Variants in CSMD1 observed in about 807,000 individuals in gnomAD.
CSMD1 encodes the protein CUB and Sushi multiple domains 1.
A neutral mutation model predicts 417.5 loss-of-function variants in CSMD1; 213 were observed. The ratio of observed to expected loss-of-function variants is 0.51; its 90% confidence interval spans 0.46 to 0.57. The LOEUF (loss-of-function observed/expected upper bound fraction) is 0.57. CSMD1 is among the 20% of genes least tolerant of loss of function. The pLI is 0.00. For missense variants in CSMD1, 6,923 were observed against 4,529.7 expected, an observed-to-expected ratio of 1.53 and a Z score of -15.17; for synonymous variants, 2,862 against 1,736.8, an observed-to-expected ratio of 1.65 and a Z score of -16.11.
chr8:4,033,130 G>GAAAAACAAAAAA, intron 3 of CSMD1, among the ~76,000 whole-genome samples: 1 of 80,658 alleles, frequency 1.2e-5, no homozygotes, highest in Non-Finnish European at 2.2e-5. Flanking sequence ...TTTCCAATAT[G>GAAAAACAAAAAA]AAAAAAAAAA....
At chr8:4,062,664 C>A (rs977414343) in intron 3 of CSMD1, among the ~76,000 whole-genome samples, 2 of 151,636 alleles carry the variant, frequency 1.3e-5, no homozygotes, top group African/African-American at 2.4e-5. Context: ...TGCAGAAACA[C>A]AGATTCCTTG....
At chr8:3,795,211 C>G (rs868756577) in intron 5 of CSMD1, among the ~76,000 whole-genome samples, 1 of 71,934 alleles carries the variant, frequency 1.4e-5, no homozygotes, top group Admixed American at 1.5e-4. Flanking sequence ...GATATAGATA[C>G]CTATCATGTA....
At chr8:4,914,583 G>GAAAAA (rs59293226) in intron 1 of CSMD1, among the ~76,000 whole-genome samples, 1 of 133,684 alleles carries the variant, frequency 7.5e-6, no homozygotes. Context: ...CTCCCAAAAA[G>GAAAAA]AAAAAAAAAA....
chr8:3,338,461 G>A (rs1366877279), intron 23 of CSMD1, among the ~76,000 whole-genome samples: 2 of 152,178 alleles, frequency 1.3e-5, no homozygotes, highest in Non-Finnish European at 2.9e-5. Context: ...AGTGATGAGG[G>A]GACCAATTCA....
At chr8:4,071,882 A>G (rs189299227) in intron 3 of CSMD1, among the ~76,000 whole-genome samples, 1 of 152,116 alleles carries the variant, frequency 6.6e-6, no homozygotes, top group Admixed American at 6.5e-5. Context: ...CAGCTACCCC[A>G]TTTGGAATCT....
rs187806506 is a variant in CSMD1 at position 3,114,375 on chromosome 8, G to C, written c.6430+4024C>G. Among the ~76,000 whole-genome samples, 19 of 151,052 alleles carry C rather than the reference G, an allele frequency of 1.3e-4. No individual in the cohort carries two copies. In the South Asian group the frequency reaches 2.1e-3, roughly 17 times the overall value. ...TTTTTGCCTAAACAAGAATATGAAAGAAATTCCATATTAAAAAGCTAATAA... is the reference window on the plus strand; with the variant it reads ...TTTTTGCCTAAACAAGAATATGAAACAAATTCCATATTAAAAAGCTAATAA... On this transcript the variant is annotated intron_variant, in intron 42 of 69. Transcript: ENST00000635120.
intron 2 of CSMD1, among the ~76,000 whole-genome samples, chr8:4,586,775 G>A (rs2617074): frequency 0.33 from 50,681 of 152,052 alleles, 8,575 homozygotes; most frequent in African/African-American, 0.36. Context: ...GGCACTTTCT[G>A]TGCTCCTCCA....
intron 26 of CSMD1, among the ~76,000 whole-genome samples, chr8:3,256,323 A>AAAAAGAG (rs1554487841): frequency 4.3e-5 from 6 of 138,020 alleles, no homozygotes; most frequent in African/African-American, 1.0e-4. Flanking sequence ...AAAAAAAAAA[A>AAAAAGAG]AAGAGAAGAA....
intron 10 of CSMD1, among the ~76,000 whole-genome samples, chr8:3,506,225 G>T (rs1009668234): frequency 6.6e-6 from 1 of 152,154 alleles, no homozygotes; most frequent in African/African-American, 2.4e-5. Context: ...ACGGCCCTGG[G>T]GGAGAGGGTG....
chr8:4,150,799 T>C (rs979842113), intron 3 of CSMD1, among the ~76,000 whole-genome samples: 5 of 152,094 alleles, frequency 3.3e-5, no homozygotes, highest in African/African-American at 1.2e-4. Context: ...GTTTGCGCAC[T>C]TGCAGAGGTG....
chr8:4,446,042 C>G (rs901561322), intron 2 of CSMD1, among the ~76,000 whole-genome samples: 6 of 152,120 alleles, frequency 3.9e-5, no homozygotes, highest in African/African-American at 1.4e-4. Flanking sequence ...CTTGACACAG[C>G]CCAAGAAGAG....
intron 7 of CSMD1, among the ~76,000 whole-genome samples, chr8:3,701,789 C>T (rs1364112627): frequency 6.6e-6 from 1 of 152,110 alleles, no homozygotes; most frequent in Non-Finnish European, 1.5e-5. Context: ...ATGTGGCCTT[C>T]TAAAAACAGA....
chr8:3,521,418 G>C lies in CSMD1; in HGVS notation c.1345-27692C>G, dbSNP rs80079751. ...AATTCAGTGCCACCATTTCCATGAA[G>C]TCCTCCTTGAGCAAGCTAGGAAGCT... is the stretch of plus-strand genomic sequence containing the variant. On this transcript the variant is annotated intron_variant, in intron 10 of 69. Transcript: ENST00000635120. 1.5e-3 allele frequency among the ~76,000 whole-genome samples: 231 copies of C among 152,266 alleles called. 1 individual carries two copies. Among genetic ancestry groups the C allele is most frequent in the South Asian group, 7.9e-3 (38 of 4,824 alleles).
intron 5 of CSMD1, among the ~76,000 whole-genome samples, chr8:3,757,856 C>CAAACAAAA: frequency 6.6e-6 from 1 of 151,148 alleles, no homozygotes; most frequent in South Asian, 2.1e-4. Context: ...TCTCAAAAAA[C>CAAACAAAA]AAACAAACAA....
intron 10 of CSMD1, among the ~76,000 whole-genome samples, chr8:3,531,019 A>T (rs1218841392): frequency 2.1e-5 from 3 of 142,322 alleles, no homozygotes. Context: ...TGCCCAGCTA[A>T]TTTTTTTTTT....
intron 1 of CSMD1, among the ~76,000 whole-genome samples, chr8:4,643,465 T>G (rs777662316): frequency 6.6e-6 from 1 of 152,168 alleles, no homozygotes. Context: ...ACACTAAACA[T>G]TGCCTTACTC....
chr8:3,701,102 G>C (rs1800839669), intron 7 of CSMD1, among the ~76,000 whole-genome samples: 1 of 152,000 alleles, frequency 6.6e-6, no homozygotes, highest in Non-Finnish European at 1.5e-5. Flanking sequence ...AATGGTGGAA[G>C]TCACAGACTT....
chr8:4,949,443 T>C (rs1808588631), intron 1 of CSMD1, among the ~76,000 whole-genome samples: 1 of 152,206 alleles, frequency 6.6e-6, no homozygotes, highest in African/African-American at 2.4e-5. Flanking sequence ...GCTGTATTAT[T>C]TATAGAAAAA....
rs550637607 is a variant in CSMD1, at chr8:3,524,282, T to C, written c.1345-30556A>G. ...ACACAAGCACACACACACGCACATA[T>C]ACATGCACACACACGTACACTCAGA... is the stretch of plus-strand genomic sequence containing the variant. On this transcript the variant is annotated intron_variant, in intron 10 of 69. Transcript: ENST00000635120. Among the ~76,000 whole-genome samples the C allele has an allele frequency of 5.2e-5, 7 of 135,274 alleles. No homozygotes were observed. The East Asian group carries it at 1.4e-3, about 27-fold the overall frequency. The allele number at this position is 135,274 out of a possible 152,430, so 88.7% of individuals were successfully genotyped here. A position where few individuals can be genotyped will look rare whatever the true frequency, so the allele number is the denominator to read the frequency against.
Sources: gnomAD v4.1 joint callset for allele counts (sites outside exome capture counted in the v4.1 genomes callset) on GRCh38, gnomAD v4.1.1 for gene constraint, MANE v1.5 for transcripts, NCBI Gene and HGNC (gene_info 2026-07-23, HGNC 2026-07-21) for gene names.